TMIGD3: variants seen among roughly 807,000 people sequenced by gnomAD.
The protein encoded by TMIGD3 is AD026 protein (AD026).
In TMIGD3, 21 loss-of-function variants were observed where a neutral mutation model predicts 28.1. That is an observed-to-expected ratio of 0.75 (90% CI 0.53 to 1.08). TMIGD3 has a LOEUF of 1.08. Ranked by LOEUF, TMIGD3 falls within the 50% of genes least tolerant of loss-of-function variation. The probability of loss-of-function intolerance (pLI) is 0.00; values close to 1 mark genes in which losing one functional copy is unlikely to be tolerated. For missense variants in TMIGD3, 416 were observed against 435.6 expected (o/e 0.96, Z 0.40); for synonymous variants, 151 against 162.1 (o/e 0.93, Z 0.52).
At chr1:111,503,779 CAGA>C (rs1160136035), upstream of TMIGD3, 4 of 1,016,396 alleles carry the variant, frequency 3.9e-6, no homozygotes, top group Non-Finnish European at 4.7e-6. Flanking sequence ...AGAGGAAGTA[CAGA>C]GCTCAGAACT....
At chr1:111,497,256 G>A (rs993803077) in intron 1 of TMIGD3, among the ~76,000 whole-genome samples, 1 of 152,160 alleles carries the variant, frequency 6.6e-6, no homozygotes, top group East Asian at 1.9e-4. Context: ...GACTACAGCT[G>A]CCCGCCACCA....
chr1:111,551,289 A>G (rs1657247938), intron 1 of TMIGD3, among the ~76,000 whole-genome samples: 1 of 152,048 alleles, frequency 6.6e-6, no homozygotes, highest in African/African-American at 2.4e-5. Flanking sequence ...TGTATTATGT[A>G]TATGTCTTAT....
rs750471543 is a variant in TMIGD3 at position 111,497,906 on chromosome 1, G to A, written c.350+5099C>T. On this transcript the variant is annotated intron_variant, in intron 1 of 5. Coordinates refer to ENST00000369716, the MANE Select transcript of TMIGD3 (RefSeq NM_020683.7). ...GTTTGTAAATTAAGAAGCATGGTGC[G>A]GGGATTACCAGGAGACTGAGGGCAG... is the stretch of plus-strand genomic sequence containing the variant. Among the ~76,000 whole-genome samples the A allele has an allele frequency of 4.6e-5, 7 of 152,254 alleles. No homozygotes were observed. The South Asian group carries it at 6.2e-4, about 14-fold the overall frequency.
chr1:111,539,998 G>A (rs1656762523), intron 1 of TMIGD3, among the ~76,000 whole-genome samples: 1 of 152,182 alleles, frequency 6.6e-6, no homozygotes, highest in South Asian at 2.1e-4. Context: ...TAGAAACTTA[G>A]CGATGCACCA....
chr1:111,540,531 T>A (rs1463685863), intron 1 of TMIGD3, among the ~76,000 whole-genome samples: 1 of 152,228 alleles, frequency 6.6e-6, no homozygotes, highest in Admixed American at 6.5e-5. Context: ...ACAGGATCCA[T>A]CCATCTTTCT....
chr1:111,557,991 G>C (rs1407282050), intron 1 of TMIGD3, among the ~76,000 whole-genome samples: 1 of 151,866 alleles, frequency 6.6e-6, no homozygotes, highest in Non-Finnish European at 1.5e-5. Flanking sequence ...ATCTATTAAA[G>C]GGGAAAAAAT....
At chr1:111,512,529 C>T (rs763862422) in intron 1 of TMIGD3, among the ~76,000 whole-genome samples, 1 of 152,228 alleles carries the variant, frequency 6.6e-6, no homozygotes, top group Non-Finnish European at 1.5e-5. Context: ...ATAAGATACC[C>T]CTCTGCGGAC....
chr1:111,531,713 A>T (rs777985965), intron 1 of TMIGD3, among the ~76,000 whole-genome samples: 4 of 151,866 alleles, frequency 2.6e-5, no homozygotes, highest in Non-Finnish European at 4.4e-5. Context: ...ATTTATTTTT[A>T]AAATTATTTA....
At chr1:111,541,537 T>A (rs892262788) in intron 1 of TMIGD3, among the ~76,000 whole-genome samples, 4 of 152,138 alleles carry the variant, frequency 2.6e-5, no homozygotes, top group African/African-American at 9.7e-5. Flanking sequence ...CAATGAAGCG[T>A]CCAAGTGGTG....
At chr1:111,537,330 A>G (rs1023053417) in intron 1 of TMIGD3, among the ~76,000 whole-genome samples, 12 of 152,224 alleles carry the variant, frequency 7.9e-5, no homozygotes, top group Non-Finnish European at 1.8e-4. Flanking sequence ...CCAATGTCCA[A>G]CAGAGTGGAG....
chr1:111,539,577 T>C (rs982877373), intron 1 of TMIGD3, among the ~76,000 whole-genome samples: 1 of 152,190 alleles, frequency 6.6e-6, no homozygotes, highest in African/African-American at 2.4e-5. Context: ...ATTACAGGAA[T>C]GAGCCACTGT....
intron 1 of TMIGD3, among the ~76,000 whole-genome samples, chr1:111,527,813 T>C (rs970841126): frequency 2.0e-5 from 3 of 152,238 alleles, no homozygotes; most frequent in African/African-American, 7.2e-5. Flanking sequence ...GTGAGCTGTC[T>C]GTTCAGGTCT....
intron 1 of TMIGD3, chr1:111,563,836 T>A: frequency 6.2e-7 from 1 of 1,609,296 alleles, no homozygotes. Context: ...TATTTTCTGC[T>A]ATGACTCACT....
intron 1 of TMIGD3, among the ~76,000 whole-genome samples, chr1:111,501,704 A>T (rs1468613098): frequency 6.6e-6 from 1 of 152,154 alleles, no homozygotes; most frequent in African/African-American, 2.4e-5. Context: ...CATCGTAACC[A>T]CTGTGATACA....
At chr1:111,495,206 G>A (rs1055707179) in intron 1 of TMIGD3, among the ~76,000 whole-genome samples, 4 of 151,994 alleles carry the variant, frequency 2.6e-5, no homozygotes, top group Admixed American at 1.3e-4. Flanking sequence ...AAAAGTATTT[G>A]CGAACTATTC....
chr1:111,486,373 G>A (rs1654369636), intron 4 of TMIGD3, among the ~76,000 whole-genome samples: 1 of 150,428 alleles, frequency 6.6e-6, no homozygotes, highest in Admixed American at 6.6e-5. Flanking sequence ...GGGCTTTTTT[G>A]CTGCTTGCAA....
intron 1 of TMIGD3, among the ~76,000 whole-genome samples, chr1:111,542,889 G>C (rs1240113458): frequency 6.6e-6 from 1 of 151,976 alleles, no homozygotes; most frequent in Non-Finnish European, 1.5e-5. Flanking sequence ...TAGAGATGGG[G>C]TTTCACCATG....
chr1:111,520,959 T>C (rs1571432583), intron 1 of TMIGD3, among the ~76,000 whole-genome samples: 1 of 152,236 alleles, frequency 6.6e-6, no homozygotes, highest in Admixed American at 6.5e-5. Context: ...ATAATAAATA[T>C]GGCCGTCGCT....
intron 1 of TMIGD3, among the ~76,000 whole-genome samples, chr1:111,495,662 T>G (rs1338527916): frequency 1.3e-5 from 2 of 152,192 alleles, no homozygotes; most frequent in African/African-American, 4.8e-5. Context: ...AGCAATCCCA[T>G]TACTGGGTAT....
Sources: gnomAD v4.1 joint callset for allele counts (sites outside exome capture counted in the v4.1 genomes callset) on GRCh38, gnomAD v4.1.1 for gene constraint, MANE v1.5 for transcripts, NCBI Gene and HGNC (gene_info 2026-07-23, HGNC 2026-07-21) for gene names.